Variants in UNC13A observed in about 807,000 individuals in gnomAD.
UNC13A encodes protein unc-13 homolog A.
UNC13A carries 61 observed loss-of-function variants against 219.7 expected under a neutral mutation model. The observed-to-expected ratio is 0.28, with a 90% CI of 0.23 to 0.34. The LOEUF (loss-of-function observed/expected upper bound fraction) is 0.34. Ranked by LOEUF, UNC13A falls within the 10% of genes least tolerant of loss-of-function variation. The pLI is 1.00. For synonymous variants in UNC13A, 920 were observed against 884.6 expected (o/e 1.04, Z -0.71); for missense variants, 1,476 against 2,270.3 (o/e 0.65, Z 7.11).
intron 38 of UNC13A, 40 bp from the exon 39 acceptor site, chr19:17,619,002 C>G (rs751038240): frequency 1.9e-6 from 3 of 1,588,532 alleles, no homozygotes; most frequent in Non-Finnish European, 2.6e-6. Context: ...GGCAGGGGTG[C>G]TACAGCTGAC....
chr19:17,613,096 G>A (rs1193717668), intron 41 of UNC13A, among the ~76,000 whole-genome samples: 2 of 152,088 alleles, frequency 1.3e-5, no homozygotes, highest in East Asian at 1.9e-4. Flanking sequence ...GCCGGGTGTG[G>A]TAGTGCACGC....
At chr19:17,629,906 A>C (rs62121682) in intron 30 of UNC13A, among the ~76,000 whole-genome samples, 10 of 119,390 alleles carry the variant, frequency 8.4e-5, no homozygotes, top group African/African-American at 2.9e-4. Flanking sequence ...CTCCAATCTC[A>C]ATTTAAACCC....
intron 29 of UNC13A, 109 bp downstream of exon 29, chr19:17,630,545 A>T (rs528023831): frequency 1.6e-6 from 2 of 1,275,444 alleles, no homozygotes; most frequent in Admixed American, 2.0e-5. Context: ...TGAGCAAGAC[A>T]AAGATGGCGG....
intron 38 of UNC13A, among the ~76,000 whole-genome samples, chr19:17,620,482 G>A (rs899076293): frequency 6.6e-6 from 1 of 151,932 alleles, no homozygotes; most frequent in African/African-American, 2.4e-5. Flanking sequence ...GCAGGGCTCA[G>A]GGGCCTTCCT....
In UNC13A at chr19:17,627,718, C is replaced by T; in HGVS notation, c.3832-121G>A. On this transcript the variant is annotated intron_variant, in intron 32 of 43. Transcript: ENST00000519716. This position sits in a 1 kb window ranked among gnomAD's most constrained non-coding sequence, Gnocchi z 4.7. ...CTGCAGGGGAAACTGAGGCACAGACCGTTATGCTGCAAGCCTGGGTTTAAG... is the reference window on the plus strand; with the variant it reads ...CTGCAGGGGAAACTGAGGCACAGACTGTTATGCTGCAAGCCTGGGTTTAAG... The T allele has an allele frequency of 5.6e-6, 7 of 1,242,818 alleles. No individual in the cohort carries two copies. The Admixed American group carries it at 8.3e-5, about 15-fold the overall frequency. 77.0% of individuals were successfully genotyped at this position (1,242,818 alleles called of 1,614,324 possible).
chr19:17,628,324 C>A (rs2076805208), intron 31 of UNC13A: 7 of 178,962 alleles, frequency 3.9e-5, no homozygotes, highest in Admixed American at 1.9e-4. Flanking sequence ...GTGCCCTCAC[C>A]CCGAGATATA....
At chr19:17,611,889 C>G (rs776759788) in intron 41 of UNC13A, 34 bp from the exon 42 acceptor site, 64 of 1,594,520 alleles carry the variant, frequency 4.0e-5, no homozygotes, top group Non-Finnish European at 5.2e-5. Context: ...TCAGCGTGAG[C>G]TCTGTTCTTT....
chr19:17,615,263 C>G (rs891516464), intron 41 of UNC13A, among the ~76,000 whole-genome samples: 10 of 152,296 alleles, frequency 6.6e-5, no homozygotes, highest in African/African-American at 2.2e-4. Context: ...GTGGGAGGAT[C>G]ATTTGAGGCC....
intron 28 of UNC13A, among the ~76,000 whole-genome samples, chr19:17,632,021 A>C (rs894250440): frequency 1.3e-5 from 2 of 151,954 alleles, no homozygotes; most frequent in African/African-American, 4.8e-5. Context: ...AGCAATTCTC[A>C]TGCCTCAGCC....
At chr19:17,672,593 A>G in intron 3 of UNC13A, 98 bp from the exon 4 acceptor site, 1 of 864,006 alleles carries the variant, frequency 1.2e-6, no homozygotes, top group Non-Finnish European at 1.8e-6. Context: ...AGCATACTGC[A>G]ATTCAAACCT....
chr19:17,620,842 T>G, intron 37 of UNC13A, 120 bp from the exon 38 acceptor site: 1 of 1,187,464 alleles, frequency 8.4e-7, no homozygotes, highest in Non-Finnish European at 1.2e-6. Context: ...CCTCCCCAGG[T>G]CCTGGGTCTA....
At position 17,627,516 on chromosome 19, in the gene UNC13A, CA is replaced by C; in HGVS notation, c.3912del (p.Phe1304LeufsTer56). On this transcript the variant is annotated frameshift_variant, in exon 33 of 44. Transcript: ENST00000519716. LOFTEE classifies it high-confidence loss of function. The surrounding 1 kb of genome is among the most constrained non-coding windows in gnomAD (Gnocchi z 4.7). ...NNVLDELSRV[F>X]ATSFQPHIEE... is the part of the protein sequence containing the mutation. Reference sequence around the variant, plus strand: ...CCCTGGAGATGCTCCCACCTGGTAGCAAACACCCGGCTGAGCTCATCCAAGA... The same window carrying C: ...CCCTGGAGATGCTCCCACCTGGTAGCAACACCCGGCTGAGCTCATCCAAGA... 6.4e-7 allele frequency: 1 copy of C among 1,558,916 alleles called. No homozygotes were observed. The highest frequency in any genetic ancestry group is 8.7e-7 in the Non-Finnish European group (1 of 1,150,884).
chr19:17,674,895 G>C lies in UNC13A; in HGVS notation c.53-139C>G, dbSNP rs977140992. ...CCTAACCCACAACCCCACCCTCAGGGCACAAGGGAGGGGCCTCAGTGTGGG... is the reference window on the plus strand; with the variant it reads ...CCTAACCCACAACCCCACCCTCAGGCCACAAGGGAGGGGCCTCAGTGTGGG... On this transcript the variant is annotated intron_variant, in intron 2 of 43. Transcript: ENST00000519716. The surrounding 1 kb of genome is among the most constrained non-coding windows in gnomAD (Gnocchi z 5.0). The C allele has an allele frequency of 4.0e-5, 26 of 655,304 alleles. No homozygotes were observed. The highest frequency in any genetic ancestry group is 3.6e-4 in the African/African-American group (20 of 55,314). 40.6% of individuals were successfully genotyped at this position (655,304 alleles called of 1,614,324 possible).
chr19:17,662,245 CAA>C (rs34355216), intron 8 of UNC13A, among the ~76,000 whole-genome samples: 4 of 136,244 alleles, frequency 2.9e-5, no homozygotes, highest in Admixed American at 7.4e-5. Context: ...GACTCTGTTT[CAA>C]AAAAAAAAAA....
At chr19:17,622,007 G>A (rs2144967847) in intron 36 of UNC13A, 137 bp from the exon 37 acceptor site, 1 of 806,570 alleles carries the variant, frequency 1.2e-6, no homozygotes, top group Admixed American at 1.9e-5. Context: ...CATGGGGATA[G>A]TGTGTTTGTG....
chr19:17,607,467 G>T (rs1392749307), intron 43 of UNC13A, among the ~76,000 whole-genome samples: 2 of 137,204 alleles, frequency 1.5e-5, no homozygotes, highest in Admixed American at 7.2e-5. Flanking sequence ...TGGCGGGGGG[G>T]GGGGTCTCAC....
rs1462416236 is a variant in UNC13A at position 17,623,529 on chromosome 19, G to C, written c.4203+13C>G. On this transcript the variant is annotated intron_variant, in intron 36 of 43. Transcript: ENST00000519716. ...GGACGGACAGACAGACGGACAGACG[G>C]GACTCTACTTACGATCATCTGTCAT... is the stretch of plus-strand genomic sequence containing the variant. 6.6e-7 allele frequency: 1 copy of C among 1,512,264 alleles called. No homozygotes were observed. Among genetic ancestry groups the C allele is most frequent in the Non-Finnish European group, 8.8e-7 (1 of 1,136,594 alleles). 93.7% of individuals were successfully genotyped at this position (1,512,264 alleles called of 1,614,324 possible).
chr19:17,661,099 C>T (rs11672601), intron 8 of UNC13A, among the ~76,000 whole-genome samples: 13,889 of 127,952 alleles, frequency 0.11, 784 homozygotes, highest in Non-Finnish European at 0.15. Context: ...CCACCACACC[C>T]GGCCCTTTTT....
At chr19:17,622,135 A>G (rs1416471278) in intron 36 of UNC13A, among the ~76,000 whole-genome samples, 3 of 152,242 alleles carry the variant, frequency 2.0e-5, no homozygotes. Flanking sequence ...AAAGAAAGTC[A>G]GAAAGAAGGG....
Sources: gnomAD v4.1 joint callset for allele counts (sites outside exome capture counted in the v4.1 genomes callset) on GRCh38, gnomAD v4.1.1 for gene constraint, Gnocchi (gnomAD v3.1) non-coding constraint, MANE v1.5 for transcripts, NCBI Gene and HGNC (gene_info 2026-07-23, HGNC 2026-07-21) for gene names.